ADIPOR2: variants seen among roughly 807,000 people sequenced by gnomAD.
ADIPOR2 encodes adiponectin receptor 2.
A neutral mutation model predicts 40.9 loss-of-function variants in ADIPOR2; 18 were observed. The ratio of observed to expected loss-of-function variants is 0.44; its 90% CI spans 0.30 to 0.65. ADIPOR2 has a LOEUF of 0.65. Ranked by LOEUF, ADIPOR2 falls within the 30% of genes least tolerant of loss-of-function variation. ADIPOR2 has a pLI of 0.09. For missense variants in ADIPOR2, 283 were observed against 479.2 expected, an observed-to-expected ratio of 0.59 and a Z score of 3.82; for synonymous variants, 165 against 166.4, an observed-to-expected ratio of 0.99 and a Z score of 0.06.
At chr12:1,731,580 T>C (rs2094720478) in intron 1 of ADIPOR2, among the ~76,000 whole-genome samples, 1 of 152,226 alleles carries the variant, frequency 6.6e-6, no homozygotes, top group Non-Finnish European at 1.5e-5. Context: ...CTGTTCTAAG[T>C]ATCATATAAA....
chr12:1,723,875 A>G (rs548137689), intron 1 of ADIPOR2, among the ~76,000 whole-genome samples: 3 of 152,298 alleles, frequency 2.0e-5, no homozygotes, highest in South Asian at 4.1e-4. Flanking sequence ...GGGTATTTCT[A>G]CACCCATGCT....
chr12:1,766,024 A>T (rs536996959), intron 2 of ADIPOR2, among the ~76,000 whole-genome samples: 5 of 152,118 alleles, frequency 3.3e-5, no homozygotes, highest in African/African-American at 1.2e-4. Context: ...TAGTTTCTTT[A>T]CCATGTGTTG....
At chr12:1,771,729 A>T (rs1862498694) in intron 2 of ADIPOR2, among the ~76,000 whole-genome samples, 1 of 152,188 alleles carries the variant, frequency 6.6e-6, no homozygotes, top group African/African-American at 2.4e-5. Context: ...GTTGTAGTAG[A>T]TTACCCATTG....
chr12:1,761,326 T>G (rs1862265707), intron 2 of ADIPOR2, among the ~76,000 whole-genome samples: 1 of 152,204 alleles, frequency 6.6e-6, no homozygotes, highest in Non-Finnish European at 1.5e-5. Flanking sequence ...CTATTATCAT[T>G]CATGTAGAAG....
At chr12:1,702,975 C>T (rs1222115990) in intron 1 of ADIPOR2, 1 of 152,216 alleles carries the variant, frequency 6.6e-6, no homozygotes, top group Admixed American at 6.5e-5. Context: ...CTATTCAAAA[C>T]TTCCTGGGTT....
intron 4 of ADIPOR2, chr12:1,780,234 T>G: frequency 2.3e-6 from 1 of 434,572 alleles, no homozygotes; most frequent in Non-Finnish European, 4.0e-6. Flanking sequence ...TTTTATATTC[T>G]GTATATTCAG....
At position 1,786,977 on chromosome 12, in the gene ADIPOR2, T is replaced by C. The variant is rs1215920732; in HGVS notation, c.*905T>C. The C allele has an allele frequency of 6.6e-6, 1 of 152,232 alleles. No individual in the cohort carries two copies. Among genetic ancestry groups the C allele is most frequent in the Non-Finnish European group, 1.5e-5 (1 of 68,062 alleles). 9.4% of individuals were successfully genotyped at this position (152,232 alleles called of 1,614,324 possible). A position where few individuals can be genotyped will look rare whatever the true frequency, so the allele number is the denominator to read the frequency against. On this transcript the variant is annotated 3_prime_UTR_variant, in exon 8 of 8. Coordinates refer to ENST00000357103, the MANE Select transcript of ADIPOR2 (RefSeq NM_024551.3). The stretch of plus-strand genomic sequence containing the variant: ...GCTGGTAAAGGGGTGCTGGAGGCCA[T>C]GGAGGAGCTCTAGAAACATTAGCAT...
rs1190385126 is a variant in ADIPOR2 at position 1,784,024 on chromosome 12, A to G, written c.983A>G (p.Tyr328Cys). ...ASLYITGAAL[Y>C]AARIPERFFP... The stretch of plus-strand genomic sequence containing the variant: ...CTCTACATCACAGGAGCTGCCCTGT[A>G]TGCTGCCCGGATCCCCGAACGCTTT... The change falls in exon 7 of 8, where the codon TAT (tyrosine) becomes TGT (cysteine). Residue 328 changes from tyrosine to cysteine, a missense_variant. Around this residue, in one of 3 missense-constraint regions of ADIPOR2, gnomAD observed 106 missense variants for 149.7 expected, o/e 0.71. Coordinates refer to ENST00000357103, the MANE Select transcript of ADIPOR2 (RefSeq NM_024551.3). 1 of 1,609,784 alleles carries G rather than the reference A, an allele frequency of 6.2e-7. No individual in the cohort carries two copies. The highest frequency in any genetic ancestry group is 8.5e-7 in the Non-Finnish European group (1 of 1,177,756).
intron 2 of ADIPOR2, among the ~76,000 whole-genome samples, chr12:1,768,276 T>A (rs1290585418): frequency 1.3e-5 from 2 of 152,232 alleles, no homozygotes; most frequent in Non-Finnish European, 2.9e-5. Flanking sequence ...TATGTTTTGC[T>A]ACTTTCCTAA....
At position 1,726,853 on chromosome 12, in the gene ADIPOR2, C is replaced by G. The variant is rs968841084; in HGVS notation, c.-86-27405C>G. ...TTCCAAAAAGAAACTCATTATTGTT[C>G]CGCTTTGAATTTGCTTCCCTTCTTT... On this transcript the variant is annotated intron_variant, in intron 1 of 7. Coordinates refer to ENST00000357103, the MANE Select transcript of ADIPOR2 (RefSeq NM_024551.3). Among the ~76,000 whole-genome samples, 5 of 152,280 alleles carry G rather than the reference C, an allele frequency of 3.3e-5. No individual in the cohort carries two copies. The East Asian group carries it at 9.6e-4, about 29-fold the overall frequency.
intron 1 of ADIPOR2, among the ~76,000 whole-genome samples, chr12:1,741,647 C>T (rs2094743073): frequency 6.6e-6 from 1 of 152,188 alleles, no homozygotes; most frequent in African/African-American, 2.4e-5. Flanking sequence ...GTTCAACTTA[C>T]AGGCTTATAA....
At chr12:1,735,800 A>G (rs1213669361) in intron 1 of ADIPOR2, among the ~76,000 whole-genome samples, 1 of 152,218 alleles carries the variant, frequency 6.6e-6, no homozygotes, top group East Asian at 1.9e-4. Flanking sequence ...GAGTTTTAGC[A>G]TGAAGCATTG....
At chr12:1,740,912 A>G (rs2094741547) in intron 1 of ADIPOR2, among the ~76,000 whole-genome samples, 1 of 152,238 alleles carries the variant, frequency 6.6e-6, no homozygotes, top group Admixed American at 6.5e-5. Flanking sequence ...GATTAGTGTG[A>G]CGGGTCGTCA....
chr12:1,756,452 CTTTTTTTTT>C (rs71055194), intron 2 of ADIPOR2, among the ~76,000 whole-genome samples: 11 of 132,414 alleles, frequency 8.3e-5, no homozygotes, highest in Admixed American at 7.5e-4. Flanking sequence ...GCCTGGCCTT[CTTTTTTTTT>C]TTTTTTTTTT....
chr12:1,728,951 C>G (rs995461190), intron 1 of ADIPOR2, among the ~76,000 whole-genome samples: 8 of 121,010 alleles, frequency 6.6e-5, no homozygotes, highest in South Asian at 2.7e-4. Context: ...TTTCCTAGTT[C>G]TGGACTGTTT....
intron 1 of ADIPOR2, among the ~76,000 whole-genome samples, chr12:1,720,865 C>T (rs1363560895): frequency 6.6e-6 from 1 of 152,154 alleles, no homozygotes; most frequent in Admixed American, 6.5e-5. Context: ...TTAGGGCTAA[C>T]CTGCCTTCCA....
chr12:1,750,686 A>G (rs1417308678), intron 1 of ADIPOR2, among the ~76,000 whole-genome samples: 2 of 152,050 alleles, frequency 1.3e-5, no homozygotes, highest in African/African-American at 4.8e-5. Flanking sequence ...TTTGTTTTGA[A>G]GTGTTTTATC....
chr12:1,713,878 G>A (rs2094682599), intron 1 of ADIPOR2, among the ~76,000 whole-genome samples: 1 of 152,128 alleles, frequency 6.6e-6, no homozygotes, highest in East Asian at 1.9e-4. Context: ...AGCCGTCTGG[G>A]ACAGGAGATT....
intron 1 of ADIPOR2, among the ~76,000 whole-genome samples, chr12:1,735,105 A>G (rs957586668): frequency 3.3e-5 from 5 of 152,258 alleles, no homozygotes; most frequent in African/African-American, 7.2e-5. Flanking sequence ...TATGAACTTT[A>G]AAGTAGTTTT....
Sources: allele counts gnomAD v4.1 joint callset (sites outside exome capture counted in the v4.1 genomes callset), GRCh38; gene constraint gnomAD v4.1.1; regional missense constraint gnomAD v4.1.1; transcripts MANE v1.5; gene names NCBI Gene and HGNC (gene_info 2026-07-23, HGNC 2026-07-21).